The following CORO2B variants were observed in gnomAD, a reference collection of about 807,000 sequenced individuals.
CORO2B encodes coronin-2B.
Under a neutral mutation model 58.8 loss-of-function variants are expected in CORO2B, and 26 were observed. The observed-to-expected ratio is 0.44, with a 90% CI of 0.32 to 0.61. The LOEUF is 0.61. Among genes scored for constraint, CORO2B ranks in the 20% least tolerant of loss-of-function variants. CORO2B has a pLI of 0.04. For missense variants in CORO2B, 460 were observed against 645.1 expected, an observed-to-expected ratio of 0.71 and a Z score of 3.11; for synonymous variants, 242 against 253.8, an observed-to-expected ratio of 0.95 and a Z score of 0.44.
At chr15:68,639,294 G>T (rs895229012) in intron 1 of CORO2B, among the ~76,000 whole-genome samples, 1 of 152,224 alleles carries the variant, frequency 6.6e-6, no homozygotes, top group African/African-American at 2.4e-5. Context: ...GTGGGGTGGG[G>T]CTGTGCAGGG....
chr15:68,564,877 T>G, the CORO2B span, among the ~76,000 whole-genome samples: 3 of 152,196 alleles, frequency 2.0e-5, no homozygotes, highest in Admixed American at 2.0e-4. Context: ...TATTAGAAAT[T>G]TTTGGCTACA....
chr15:68,558,069 G>A, the CORO2B span, among the ~76,000 whole-genome samples: 1 of 152,134 alleles, frequency 6.6e-6, no homozygotes, highest in South Asian at 2.1e-4. Flanking sequence ...CAGCCTGGCA[G>A]TGGAATGGCA....
intron 2 of CORO2B, among the ~76,000 whole-genome samples, chr15:68,653,084 T>A (rs1901692101): frequency 6.6e-6 from 1 of 152,126 alleles, no homozygotes; most frequent in African/African-American, 2.4e-5. Flanking sequence ...TGGGGAAGCT[T>A]ACTCTCTGAA....
chr15:68,652,275 T>G (rs1595990958), intron 2 of CORO2B, among the ~76,000 whole-genome samples: 1 of 152,198 alleles, frequency 6.6e-6, no homozygotes. Flanking sequence ...CTGCCAGCTC[T>G]CTGGAGTGGA....
chr15:68,524,174 T>C, the CORO2B span, among the ~76,000 whole-genome samples: 102 of 151,962 alleles, frequency 6.7e-4, no homozygotes, highest in East Asian at 0.013. Context: ...GAACCATAAT[T>C]GCACCACTGC....
chr15:68,597,382 C>T lies in CORO2B; in HGVS notation c.15+18105C>T, dbSNP rs1899859074. Among the ~76,000 whole-genome samples, 2 of 152,160 alleles carry T rather than the reference C, an allele frequency of 1.3e-5. 1 individual carries two copies. Among genetic ancestry groups the T allele is most frequent in the South Asian group, 4.2e-4 (2 of 4,818 alleles). On this transcript the variant is annotated intron_variant, in intron 1 of 11. Transcript: ENST00000261861. ...AGTCCTAATTGTTTTACACGCACCT[C>T]ATATCACCCTTTCAATACCTAGGAA...
intron 1 of CORO2B, among the ~76,000 whole-genome samples, chr15:68,619,331 A>G (rs1900451060): frequency 1.3e-5 from 2 of 152,148 alleles, no homozygotes; most frequent in African/African-American, 2.4e-5. Flanking sequence ...GCTGCAATGT[A>G]TGCATTTTAG....
the CORO2B span, among the ~76,000 whole-genome samples, chr15:68,522,562 G>C: frequency 5.9e-5 from 9 of 152,158 alleles, no homozygotes; most frequent in Middle Eastern, 6.8e-3. Context: ...CGATTCTCCT[G>C]CCTCAGCCTC....
chr15:68,637,927 A>G (rs889704882), intron 1 of CORO2B, among the ~76,000 whole-genome samples: 2 of 152,228 alleles, frequency 1.3e-5, no homozygotes, highest in African/African-American at 4.8e-5. Context: ...GCTGGCCACA[A>G]TAAATCATTT....
chr15:68,623,034 G>A (rs1163261503), intron 1 of CORO2B, among the ~76,000 whole-genome samples: 1 of 152,042 alleles, frequency 6.6e-6, no homozygotes, highest in African/African-American at 2.4e-5. Flanking sequence ...GTGTGGTGGT[G>A]GGCACCTGTA....
At chr15:68,598,657 C>T (rs1275770383) in intron 1 of CORO2B, among the ~76,000 whole-genome samples, 3 of 152,188 alleles carry the variant, frequency 2.0e-5, no homozygotes, top group Non-Finnish European at 4.4e-5. Flanking sequence ...GTACTCTCCC[C>T]AGCTCCTCAC....
intron 1 of CORO2B, among the ~76,000 whole-genome samples, chr15:68,621,767 CTTTT>C (rs34809209): frequency 2.2e-5 from 3 of 136,340 alleles, no homozygotes; most frequent in Admixed American, 7.4e-5. Flanking sequence ...AGTTTCACTT[CTTTT>C]TTTTTTTTTT....
At chr15:68,538,806 A>G in the CORO2B span, among the ~76,000 whole-genome samples, 1 of 152,164 alleles carries the variant, frequency 6.6e-6, no homozygotes, top group Admixed American at 6.5e-5. Flanking sequence ...GACTTCTCAC[A>G]TTCTAAAGAG....
chr15:68,665,961 G>C (rs1902176988), intron 2 of CORO2B, among the ~76,000 whole-genome samples: 1 of 152,104 alleles, frequency 6.6e-6, no homozygotes, highest in Admixed American at 6.6e-5. Flanking sequence ...ACAGGAAAAT[G>C]TTAAATCATA....
intron 9 of CORO2B, 54 bp downstream of exon 9, chr15:68,718,864 T>G: frequency 7.0e-7 from 1 of 1,418,844 alleles, no homozygotes; most frequent in Admixed American, 1.7e-5. Context: ...CCTCTTAGCC[T>G]GCTCACCACT....
chr15:68,701,845 G>A (rs1246075737), intron 3 of CORO2B, among the ~76,000 whole-genome samples: 1 of 152,054 alleles, frequency 6.6e-6, no homozygotes, highest in Non-Finnish European at 1.5e-5. Flanking sequence ...AATCATCTCG[G>A]GCTCTGAGAA....
rs1463375567 is a variant in CORO2B, at chr15:68,727,240, C to T, written c.*1266C>T. 1 of 152,688 alleles carries T rather than the reference C, an allele frequency of 6.5e-6. No homozygotes were observed. The highest frequency in any genetic ancestry group is 1.5e-5 in the Non-Finnish European group (1 of 68,060). 9.5% of individuals were successfully genotyped at this position (152,688 alleles called of 1,614,324 possible). On this transcript the variant is annotated 3_prime_UTR_variant, in exon 12 of 12. Transcript: ENST00000261861. ...TGCAGTCCTTTGACACATAGGATCT[C>T]ATGGAGCCTCACGTCTACTCCCTTC...
upstream of CORO2B, chr15:68,578,938 C>A (rs1314055029): frequency 1.8e-5 from 13 of 740,408 alleles, no homozygotes; most frequent in Non-Finnish European, 2.1e-5. This position sits in a 1 kb window ranked among gnomAD's most constrained non-coding sequence, Gnocchi z 4.2. Flanking sequence ...AGCGAGTTCC[C>A]GGCCCCTCTT....
intron 2 of CORO2B, among the ~76,000 whole-genome samples, chr15:68,672,300 A>G (rs935424602): frequency 7.9e-5 from 12 of 152,028 alleles, no homozygotes; most frequent in Non-Finnish European, 1.6e-4. Flanking sequence ...CAGTGGTACA[A>G]TCATAGCTCA....
Sources: gnomAD v4.1 joint callset for allele counts (sites outside exome capture counted in the v4.1 genomes callset) on GRCh38, gnomAD v4.1.1 for gene constraint, Gnocchi (gnomAD v3.1) non-coding constraint, MANE v1.5 for transcripts, NCBI Gene and HGNC (gene_info 2026-07-23, HGNC 2026-07-21) for gene names.